The following RXFP2 variants were observed in gnomAD, a reference collection of about 807,000 sequenced individuals.
RXFP2 encodes relaxin receptor 2.
In RXFP2, 68 loss-of-function variants were observed where a neutral mutation model predicts 88.6. That is an observed-to-expected ratio of 0.77 (90% confidence interval 0.63 to 0.94). The LOEUF (loss-of-function observed/expected upper bound fraction) is 0.94. Ranked by LOEUF, RXFP2 falls within the 40% of genes least tolerant of loss-of-function variation. The probability of loss-of-function intolerance (pLI) is 0.00; values close to 1 mark genes in which losing one functional copy is unlikely to be tolerated. For missense variants in RXFP2, 791 were observed against 893.9 expected (o/e 0.88, Z 1.47); for synonymous variants, 329 against 306.8 (o/e 1.07, Z -0.76).
At chr13:31,794,011 C>A (rs1873913347) in intron 16 of RXFP2, among the ~76,000 whole-genome samples, 1 of 152,132 alleles carries the variant, frequency 6.6e-6, no homozygotes, top group Admixed American at 6.5e-5. Flanking sequence ...TTGTTATATT[C>A]TCTGACTATC....
Position 31,777,372 on chromosome 13 carries a change from T to G in RXFP2, c.642-4T>G. On this transcript the variant is annotated splice_region_variant and splice_polypyrimidine_tract_variant and intron_variant, in intron 7 of 17. Coordinates refer to ENST00000298386, the MANE Select transcript of RXFP2 (RefSeq NM_130806.5). Reference sequence around the variant, plus strand: ...TGGAAATGTTTCTTGATACATTTTGTCAGAATTCTAGATGACAATCCAATA... The same window carrying G: ...TGGAAATGTTTCTTGATACATTTTGGCAGAATTCTAGATGACAATCCAATA... 2 of 1,604,546 alleles carry G rather than the reference T, an allele frequency of 1.2e-6. No homozygotes were observed. The highest frequency in any genetic ancestry group is 1.7e-6 in the Non-Finnish European group (2 of 1,172,060).
chr13:31,742,746 C>G (rs531858746), intron 1 of RXFP2, among the ~76,000 whole-genome samples: 1 of 152,108 alleles, frequency 6.6e-6, no homozygotes, highest in East Asian at 1.9e-4. Flanking sequence ...AGGTTGGTAT[C>G]GAAAAATGGC....
At chr13:31,770,685 C>G (rs577764603) in intron 5 of RXFP2, among the ~76,000 whole-genome samples, 1 of 152,258 alleles carries the variant, frequency 6.6e-6, no homozygotes, top group South Asian at 2.1e-4. Flanking sequence ...TTTATTGCCA[C>G]AGTATTCTCT....
intron 1 of RXFP2, among the ~76,000 whole-genome samples, chr13:31,756,931 A>T (rs7990290): frequency 0.33 from 49,362 of 151,522 alleles, 8,929 homozygotes; most frequent in Admixed American, 0.43. Context: ...GACTCTTTTT[A>T]AAAAAAACAT....
At position 31,797,329 on chromosome 13, in the gene RXFP2, C is replaced by A. The variant is rs1192364761; in HGVS notation, c.1915C>A (p.Arg639Ser). ...CFGREVAVAN[R>S]FFFIVFSDAI... ...TGGAAGAGAGGTGGCTGTTGCAAAT[C>A]GTTTCTTTTTTATAGTGTTCTCTGA... Residue 639 changes from arginine (R) to serine (S), a missense_variant, in exon 17 of 18, where the codon CGT becomes AGT. Coordinates refer to ENST00000298386, the MANE Select transcript of RXFP2 (RefSeq NM_130806.5). 6.2e-7 allele frequency: 1 copy of A among 1,614,014 alleles called. No homozygotes were observed. The highest frequency in any genetic ancestry group is 1.7e-5 in the Admixed American group (1 of 60,014).
chr13:31,775,270 A>C (rs201628008), intron 6 of RXFP2, 48 bp from the exon 7 acceptor site: 1 of 1,354,776 alleles, frequency 7.4e-7, no homozygotes, highest in Non-Finnish European at 1.1e-6. Context: ...TATGTGACTA[A>C]AATAGGGTAT....
At chr13:31,750,823 G>A (rs1212958791) in intron 1 of RXFP2, among the ~76,000 whole-genome samples, 1 of 152,200 alleles carries the variant, frequency 6.6e-6, no homozygotes, top group Non-Finnish European at 1.5e-5. Context: ...ATTTAAGAAT[G>A]AAAGTGTGGT....
chr13:31,765,535 T>C (rs1047214857), intron 4 of RXFP2, among the ~76,000 whole-genome samples: 4 of 152,132 alleles, frequency 2.6e-5, no homozygotes, highest in African/African-American at 9.7e-5. Context: ...TCCATGAAGC[T>C]AGTAGCTATG....
chr13:31,777,722 T>A (rs1873059818), intron 8 of RXFP2, among the ~76,000 whole-genome samples: 1 of 152,224 alleles, frequency 6.6e-6, no homozygotes, highest in Non-Finnish European at 1.5e-5. Flanking sequence ...TGTTTTTATT[T>A]GCAGTGGTTG....
At chr13:31,772,638 C>G (rs1872773730) in intron 5 of RXFP2, among the ~76,000 whole-genome samples, 1 of 152,204 alleles carries the variant, frequency 6.6e-6, no homozygotes, top group Non-Finnish European at 1.5e-5. Flanking sequence ...TCAAGTTCAG[C>G]AGCCTAAGTC....
chr13:31,782,133 A>G (rs1873312723), intron 10 of RXFP2, among the ~76,000 whole-genome samples: 1 of 152,186 alleles, frequency 6.6e-6, no homozygotes, highest in Non-Finnish European at 1.5e-5. Context: ...CTAAAGAAAA[A>G]AAAAATCATA....
At chr13:31,793,263 T>C (rs994867536) in intron 16 of RXFP2, among the ~76,000 whole-genome samples, 175 bp downstream of exon 16, 2 of 152,204 alleles carry the variant, frequency 1.3e-5, no homozygotes, top group African/African-American at 4.8e-5. Flanking sequence ...TTAAACTTTT[T>C]ATTAGACAAT....
At chr13:31,752,857 C>T (rs1400203321) in intron 1 of RXFP2, among the ~76,000 whole-genome samples, 9 of 152,212 alleles carry the variant, frequency 5.9e-5, no homozygotes, top group Non-Finnish European at 1.0e-4. Context: ...GCTTTGCTGA[C>T]TGACAACAAA....
At chr13:31,780,634 A>C (rs1372288098) in intron 9 of RXFP2, among the ~76,000 whole-genome samples, 1 of 152,222 alleles carries the variant, frequency 6.6e-6, no homozygotes, top group African/African-American at 2.4e-5. Flanking sequence ...GAACACTGTA[A>C]GAAGCTGACT....
At chr13:31,786,835 T>G (rs1873568710) in intron 13 of RXFP2, among the ~76,000 whole-genome samples, 198 bp downstream of exon 13, 1 of 152,230 alleles carries the variant, frequency 6.6e-6, no homozygotes. Context: ...TCCATTTCTG[T>G]ACTTGAAGAA....
At chr13:31,752,261 G>A (rs143823989) in intron 1 of RXFP2, among the ~76,000 whole-genome samples, 22 of 152,274 alleles carry the variant, frequency 1.4e-4, no homozygotes, top group African/African-American at 5.1e-4. Flanking sequence ...GAAGAAGGAG[G>A]GGGGTAATAT....
chr13:31,739,694 A>T lies in RXFP2; in HGVS notation c.82A>T (p.Ile28Phe). The change falls in exon 1 of 18, where the codon ATC (isoleucine) becomes TTC (phenylalanine). Residue 28 changes from isoleucine to phenylalanine, a missense_variant. Transcript: ENST00000298386. The part of the protein sequence containing the change: ...MFFLLHFIVL[I>F]NVKDFALTQG... ...CTTTCTACTTCATTTCATCGTTCTG[A>T]TCAATGTCAAAGGTAAGGTTGCTAC... is the stretch of plus-strand genomic sequence containing the variant. 1 of 1,600,094 alleles carries T rather than the reference A, an allele frequency of 6.2e-7. No homozygotes were observed.
chr13:31,789,936 G>A (rs2138453914), intron 14 of RXFP2, among the ~76,000 whole-genome samples: 1 of 152,252 alleles, frequency 6.6e-6, no homozygotes, highest in Admixed American at 6.5e-5. Context: ...TTTCCACATG[G>A]TTTTGTTCAT....
chr13:31,800,541 C>T (rs1874282338), intron 17 of RXFP2, among the ~76,000 whole-genome samples: 1 of 152,204 alleles, frequency 6.6e-6, no homozygotes, highest in Admixed American at 6.5e-5. Flanking sequence ...CACTGCACTC[C>T]AGCCTGGGCG....
Sources: allele counts gnomAD v4.1 joint callset (sites outside exome capture counted in the v4.1 genomes callset), GRCh38; gene constraint gnomAD v4.1.1; transcripts MANE v1.5; gene names NCBI Gene and HGNC (gene_info 2026-07-23, HGNC 2026-07-21).